HSH2D: variants seen among roughly 807,000 people sequenced by gnomAD.
HSH2D encodes the protein hematopoietic SH2 domain containing, also known as hematopoietic SH2 domain-containing protein.
In HSH2D, 16 loss-of-function variants were observed where a neutral mutation model predicts 21.5. That is an observed-to-expected ratio of 0.74 (90% confidence interval 0.50 to 1.13). The LOEUF is 1.13. Ranked by LOEUF, HSH2D falls within the 50% of genes most tolerant of loss-of-function variation. The probability of loss-of-function intolerance (pLI) is 0.00; values close to 1 mark genes in which losing one functional copy is unlikely to be tolerated. For missense variants in HSH2D, 418 were observed against 441.4 expected (o/e 0.95, Z 0.47); for synonymous variants, 172 against 184.7 (o/e 0.93, Z 0.56).
chr19:16,154,741 C>T (rs893198719), intron 5 of HSH2D: 2 of 354,614 alleles, frequency 5.6e-6, no homozygotes, highest in Non-Finnish European at 1.1e-5. Context: ...ACACACCAAG[C>T]TAGCCTCGGG....
intron 1 of HSH2D, among the ~76,000 whole-genome samples, chr19:16,145,276 G>A (rs928568333): frequency 2.0e-5 from 3 of 151,768 alleles, no homozygotes; most frequent in Non-Finnish European, 2.9e-5. Flanking sequence ...GCAGTGGCTC[G>A]ATCTCAGCTC....
chr19:16,143,917 G>C (rs929035220), intron 1 of HSH2D, 143 bp downstream of exon 1: 14 of 262,856 alleles, frequency 5.3e-5, no homozygotes, highest in Non-Finnish European at 8.1e-5. Context: ...GGAGGAGGGG[G>C]TATTTGTGGT....
At chr19:16,151,717 C>CG (rs983927263) in intron 2 of HSH2D, 21 of 294,256 alleles carry the variant, frequency 7.1e-5, no homozygotes, top group South Asian at 2.4e-4. Flanking sequence ...CCTAGCTCCT[C>CG]GGGGGGAACA....
In HSH2D at chr19:16,153,056, T is replaced by C; in HGVS notation, c.229T>C (p.Cys77Arg). 1 of 1,610,860 alleles carries C rather than the reference T, an allele frequency of 6.2e-7. No homozygotes were observed. The highest frequency in any genetic ancestry group is 8.5e-7 in the Non-Finnish European group (1 of 1,178,686). ...YTLSYKAQSS[C>R]CHFMVKLLDD... ...GTGTCTCCGCAGAGCCCAAAGCAGCTGCTGCCATTTCATGGTGAAGCTCTT... is the reference window on the plus strand; with the variant it reads ...GTGTCTCCGCAGAGCCCAAAGCAGCCGCTGCCATTTCATGGTGAAGCTCTT... The change falls in exon 4 of 6, where the codon TGC becomes CGC. Residue 77 changes from cysteine (C) to arginine (R), a missense_variant. Cys to Arg is a radical substitution (Grantham distance 180). Coordinates refer to ENST00000613986, the MANE Select transcript of HSH2D (RefSeq NM_001382417.1).
upstream of HSH2D, chr19:16,143,640 T>C: frequency 5.1e-6 from 2 of 392,736 alleles, no homozygotes; most frequent in Admixed American, 3.0e-5. Context: ...AGGGCTCACC[T>C]GCTTGAGGAA....
chr19:16,155,974 A>T (rs1022677905), intron 5 of HSH2D, among the ~76,000 whole-genome samples: 1 of 151,748 alleles, frequency 6.6e-6, no homozygotes, highest in African/African-American at 2.4e-5. Context: ...GCACTGGTGG[A>T]GATGGAAAGA....
upstream of HSH2D, among the ~76,000 whole-genome samples, chr19:16,138,835 C>T (rs1428171652): frequency 6.6e-6 from 1 of 151,676 alleles, no homozygotes; most frequent in Non-Finnish European, 1.5e-5. Context: ...GACTGTGGGC[C>T]CTAGAAGGGT....
chr19:16,149,292 TC>T (rs111676676), intron 2 of HSH2D, among the ~76,000 whole-genome samples: 2,945 of 152,272 alleles, frequency 0.019, 94 homozygotes, highest in African/African-American at 0.067. Context: ...AACCTCTGCC[TC>T]CCGGACTCAA....
At chr19:16,144,290 G>C (rs1248011129) in intron 1 of HSH2D, among the ~76,000 whole-genome samples, 1 of 151,994 alleles carries the variant, frequency 6.6e-6, no homozygotes, top group Non-Finnish European at 1.5e-5. Flanking sequence ...GCTCCATGGA[G>C]TCATGGCTGG....
Position 16,143,716 on chromosome 19 carries a change from GC to G in HSH2D, c.-85del, listed in dbSNP as rs1568327609. On this transcript the variant is annotated 5_prime_UTR_variant, in exon 1 of 6. Transcript: ENST00000613986. ...GTGCAGACCTTGAATCGAAACCCAG[GC>G]TCCTGCAGGCACTGGCACAGCTACA... The G allele has an allele frequency of 2.2e-6, 1 of 453,100 alleles. No homozygotes were observed. The highest frequency in any genetic ancestry group is 2.4e-5 in the Admixed American group (1 of 42,184). The allele number at this position is 453,100 out of a possible 1,614,324, so 28.1% of individuals were successfully genotyped here.
At chr19:16,147,211 A>G (rs2091083325) in intron 1 of HSH2D, among the ~76,000 whole-genome samples, 1 of 152,132 alleles carries the variant, frequency 6.6e-6, no homozygotes, top group Non-Finnish European at 1.5e-5. Context: ...AAGGCTGGGC[A>G]CAATGGCTCA....
At chr19:16,154,291 C>A in intron 4 of HSH2D, 108 bp from the exon 5 acceptor site, 1 of 666,402 alleles carries the variant, frequency 1.5e-6, no homozygotes, top group Non-Finnish European at 2.6e-6. Flanking sequence ...GGCCTAGGTA[C>A]TAAGAAACTG....
chr19:16,154,572 C>T, intron 5 of HSH2D, 81 bp downstream of exon 5: 1 of 800,262 alleles, frequency 1.2e-6, no homozygotes, highest in South Asian at 1.6e-5. Context: ...CCAGAGGAGG[C>T]TCCTTCTAGA....
At position 16,157,496 on chromosome 19, in the gene HSH2D, A is replaced by C; in HGVS notation, c.761A>C (p.His254Pro). The C allele has an allele frequency of 1.2e-6, 2 of 1,613,818 alleles. No individual in the cohort carries two copies. The highest frequency in any genetic ancestry group is 1.7e-6 in the Non-Finnish European group (2 of 1,179,842). The change falls in exon 6 of 6, where the codon CAC becomes CCC. Residue 254 changes from histidine to proline, a missense_variant. By Grantham distance (77) the His-to-Pro change is moderately conservative. Coordinates refer to ENST00000613986, the MANE Select transcript of HSH2D (RefSeq NM_001382417.1). The surrounding 1 kb of genome is among the most constrained non-coding windows in gnomAD (Gnocchi z 4.4). Reference protein sequence around the residue: ...GPGTGKGSQDHSGDPTSGDRG... With the variant: ...GPGTGKGSQDPSGDPTSGDRG... The stretch of plus-strand genomic sequence containing the variant: ...GGGACCGGAAAAGGCAGCCAAGATC[A>C]CTCAGGGGATCCCACCTCGGGGGAC...
chr19:16,147,027 T>C (rs1032519882), intron 1 of HSH2D, among the ~76,000 whole-genome samples: 1 of 152,026 alleles, frequency 6.6e-6, no homozygotes, highest in East Asian at 1.9e-4. Flanking sequence ...GGTTTCACCA[T>C]GTTGGCCAGG....
At chr19:16,135,947 C>T (rs56405081) in intron 1 of HSH2D, among the ~76,000 whole-genome samples, 23,982 of 152,128 alleles carry the variant, frequency 0.16, 2,037 homozygotes, top group Non-Finnish European at 0.19. Context: ...AGGAGACATC[C>T]TCTTCCCTCA....
intron 5 of HSH2D, among the ~76,000 whole-genome samples, chr19:16,155,356 T>A (rs967230385): frequency 6.6e-6 from 1 of 152,002 alleles, no homozygotes; most frequent in Admixed American, 6.6e-5. Context: ...GAGGAGCCAG[T>A]CATACACACA....
chr19:16,152,105 CA>C (rs1177927170), intron 2 of HSH2D, among the ~76,000 whole-genome samples: 1 of 49,274 alleles, frequency 2.0e-5, no homozygotes, highest in African/African-American at 7.6e-5. Context: ...GACTCTGTCT[CA>C]ACAAAAAAAA....
At chr19:16,139,193 A>G (rs769050333), upstream of HSH2D, among the ~76,000 whole-genome samples, 1 of 152,234 alleles carries the variant, frequency 6.6e-6, no homozygotes, top group Non-Finnish European at 1.5e-5. Context: ...AGCATCTAGC[A>G]TGGTGCCCAT....
Sources: allele counts gnomAD v4.1 joint callset (sites outside exome capture counted in the v4.1 genomes callset), GRCh38; gene constraint gnomAD v4.1.1; non-coding constraint Gnocchi (gnomAD v3.1); transcripts MANE v1.5; gene names NCBI Gene and HGNC (gene_info 2026-07-23, HGNC 2026-07-21).